The following ITGA2B variants were observed in gnomAD, a reference collection of about 807,000 sequenced individuals.
ITGA2B encodes integrin alpha-IIb.
ITGA2B carries 91 observed loss-of-function variants against 142.0 expected under a neutral mutation model. The ratio of observed to expected loss-of-function variants is 0.64; its 90% CI spans 0.54 to 0.76. The LOEUF is 0.76. ITGA2B is among the 30% of genes least tolerant of loss of function. ITGA2B has a pLI of 0.00. For synonymous variants in ITGA2B, 536 were observed against 567.2 expected, an observed-to-expected ratio of 0.94 and a Z score of 0.78; for missense variants, 1,231 against 1,350.8, an observed-to-expected ratio of 0.91 and a Z score of 1.39.
At chr17:44,380,810 T>C in intron 13 of ITGA2B, 69 bp downstream of exon 13, 1 of 1,603,136 alleles carries the variant, frequency 6.2e-7, no homozygotes. Context: ...TGGCCGTGTC[T>C]CTTGGCACTT....
At chr17:44,379,381 G>A (rs769558651) in intron 18 of ITGA2B, among the ~76,000 whole-genome samples, 2 of 151,800 alleles carry the variant, frequency 1.3e-5, no homozygotes, top group Non-Finnish European at 2.9e-5. Flanking sequence ...CTCCCGAGTA[G>A]CTGGAATTAC....
intron 1 of ITGA2B, 108 bp downstream of exon 1, chr17:44,389,178 G>A: frequency 8.0e-7 from 1 of 1,255,752 alleles, no homozygotes; most frequent in Non-Finnish European, 1.2e-6. Flanking sequence ...GGCCCCACAA[G>A]TCACCTTGCT....
intron 1 of ITGA2B, 27 bp from the exon 2 acceptor site, chr17:44,386,158 G>A: frequency 1.3e-6 from 2 of 1,568,568 alleles, no homozygotes; most frequent in Non-Finnish European, 1.7e-6. Context: ...GGTGAGCGCC[G>A]CGCAGATTCC....
rs528532012 is a variant in ITGA2B, at chr17:44,380,522, C to T, written c.1440-32G>A. ...GGATAGGGTGATGGGGTAGGCTTGC[C>T]ATTGTGGCTCCTCCTGGCCTGGCCT... On this transcript the variant is annotated intron_variant, in intron 14 of 29. Coordinates refer to ENST00000262407, the MANE Select transcript of ITGA2B (RefSeq NM_000419.5). 1.5e-4 allele frequency: 237 copies of T among 1,613,828 alleles called. 3 individuals are homozygous for T. The South Asian group carries it at 2.5e-3, about 17-fold the overall frequency.
chr17:44,379,049 C>G (rs931299260), intron 18 of ITGA2B, among the ~76,000 whole-genome samples: 7 of 151,304 alleles, frequency 4.6e-5, no homozygotes, highest in Middle Eastern at 3.6e-3. Flanking sequence ...GGGGTTCACG[C>G]CATTCTCCTG....
At position 44,389,383 on chromosome 17, in the gene ITGA2B, C is replaced by T. The variant is rs1005880342; in HGVS notation, c.91G>A (p.Ala31Thr). 1 of 1,614,184 alleles carries T rather than the reference C, an allele frequency of 6.2e-7. No individual in the cohort carries two copies. The highest frequency in any genetic ancestry group is 1.7e-5 in the Admixed American group (1 of 60,018). The change falls in exon 1 of 30, where the codon GCC becomes ACC. Residue 31 changes from alanine (A) to threonine (T), a missense_variant. By Grantham distance (58) the Ala-to-Thr change is moderately conservative (BLOSUM62 0). Transcript: ENST00000262407. ...AGCTGCACTGGGTCCAGGTTCAAGG[C>T]CCAGGCTGGAGGGGCAGCACAAGGT... ...LGPCAAPPAW[A>T]LNLDPVQLTF...
intron 1 of ITGA2B, 87 bp downstream of exon 1, chr17:44,389,199 C>A: frequency 6.9e-7 from 1 of 1,458,476 alleles, no homozygotes; most frequent in East Asian, 2.3e-5. Flanking sequence ...CAACTGCTAT[C>A]GCAAATGGGA....
intron 27 of ITGA2B, 99 bp from the exon 28 acceptor site, chr17:44,374,859 A>C: frequency 7.9e-7 from 1 of 1,263,938 alleles, no homozygotes; most frequent in Non-Finnish European, 1.1e-6. Flanking sequence ...CCTGCCTCTG[A>C]CCTAATCCCA....
intron 1 of ITGA2B, among the ~76,000 whole-genome samples, chr17:44,388,374 G>A (rs1192398744): frequency 2.4e-5 from 1 of 41,008 alleles, no homozygotes; most frequent in Non-Finnish European, 5.1e-5. Flanking sequence ...TTTTTTTTTT[G>A]AGACAGAGTT....
chr17:44,385,259 C>T, intron 5 of ITGA2B, 27 bp downstream of exon 5: 3 of 1,613,770 alleles, frequency 1.9e-6, no homozygotes, highest in Non-Finnish European at 2.5e-6. Context: ...GGGAGCCGCC[C>T]CCACTGCGCT....
In ITGA2B at chr17:44,380,430, A is replaced by G. The variant is rs1474163199; in HGVS notation, c.1500T>C (p.Ala500=). ...QLLVQDSLNP[A]VKSCVLPQTK... is the part of the protein sequence containing the mutation. ...TCTGAGGTAGGACACAGCTCTTCAC[A>G]GCAGGATTCAGTGAATCTTGCACCA... is the stretch of plus-strand genomic sequence containing the variant. The change falls in exon 15 of 30, where the codon GCT becomes GCC. Residue 500 remains alanine, a synonymous_variant. Coordinates refer to ENST00000262407, the MANE Select transcript of ITGA2B (RefSeq NM_000419.5). 1.9e-6 allele frequency: 3 copies of G among 1,614,066 alleles called. No homozygotes were observed. In the African/African-American group the frequency reaches 4.0e-5, roughly 22 times the overall value.
rs2048640612 is a variant in ITGA2B at position 44,385,605 on chromosome 17, A to G, written c.520T>C (p.Tyr174His). ...AQPESGRRAE[Y>H]SPCRGNTLSR... ...AGGGTGTTCCCGCGACAGGGGGAGT[A>G]CTCGGCGCGGCGGCCGCTCTCTGGC... The change falls in exon 4 of 30, where the codon TAC (tyrosine) becomes CAC (histidine). Residue 174 changes from tyrosine to histidine, a missense_variant. Transcript: ENST00000262407. The G allele has an allele frequency of 1.2e-6, 2 of 1,611,766 alleles. No homozygotes were observed. Among genetic ancestry groups the G allele is most frequent in the East Asian group, 4.5e-5 (2 of 44,856 alleles).
Position 44,382,791 on chromosome 17 carries a change from C to T in ITGA2B, c.1210+702G>A, listed in dbSNP as rs1415982830. On this transcript the variant is annotated intron_variant, in intron 12 of 29. Coordinates refer to ENST00000262407, the MANE Select transcript of ITGA2B (RefSeq NM_000419.5). ...TCCTGTGCATGCTCTTTAACGCATG[C>T]TCTTCCTTGAGTCCCGGGCCATCAG... Among the ~76,000 whole-genome samples the T allele has an allele frequency of 2.0e-5, 3 of 152,166 alleles. No homozygotes were observed. In the East Asian group the frequency reaches 5.8e-4, roughly 29 times the overall value.
intron 1 of ITGA2B, 34 bp downstream of exon 1, chr17:44,389,252 C>G (rs1371973645): frequency 1.9e-6 from 3 of 1,610,634 alleles, no homozygotes; most frequent in Non-Finnish European, 8.5e-7. Flanking sequence ...GGGTCCTGCT[C>G]TCTCCCAATA....
In ITGA2B at chr17:44,385,616, C is replaced by T. The variant is rs1187554731; in HGVS notation, c.509G>A (p.Arg170His). The change falls in exon 4 of 30, where the codon CGC (arginine) becomes CAC (histidine). Residue 170 changes from arginine (R) to histidine (H), a missense_variant. Arg to His is a conservative substitution (Grantham distance 29). This residue lies in a region of ITGA2B where 318 missense variants were observed against 312.2 expected (regional missense o/e 1.02). Coordinates refer to ENST00000262407, the MANE Select transcript of ITGA2B (RefSeq NM_000419.5). ...GCGACAGGGGGAGTACTCGGCGCGG[C>T]GGCCGCTCTCTGGCTGAGCCAAAAA... is the stretch of plus-strand genomic sequence containing the variant. The part of the protein sequence containing the change: ...SCFLAQPESG[R>H]RAEYSPCRGN... The T allele has an allele frequency of 1.9e-6, 3 of 1,612,204 alleles. No homozygotes were observed. Among genetic ancestry groups the T allele is most frequent in the Non-Finnish European group, 1.7e-6 (2 of 1,179,758 alleles).
In ITGA2B at chr17:44,389,569, A is replaced by G. The variant is rs529482918; in HGVS notation, c.-96T>C. The G allele has an allele frequency of 7.5e-7, 1 of 1,339,420 alleles. No individual in the cohort carries two copies. Among genetic ancestry groups the G allele is most frequent in the South Asian group, 1.2e-5 (1 of 80,550 alleles). The allele number at this position is 1,339,420 out of a possible 1,614,324, so 83.0% of individuals were successfully genotyped here. On this transcript the variant is annotated 5_prime_UTR_variant, in exon 1 of 30. Transcript: ENST00000262407. ...GGAAGTCTTTTCTTATCAAACTGGA[A>G]CCCCAAGTAACTTGCTGAGCAACGG...
intron 8 of ITGA2B, 73 bp downstream of exon 8, chr17:44,384,465 A>G: frequency 1.2e-6 from 2 of 1,607,306 alleles, no homozygotes; most frequent in South Asian, 2.2e-5. Flanking sequence ...ATTTCCCTAC[A>G]TAGGGGAGAT....
At chr17:44,376,284 C>A in intron 23 of ITGA2B, 24 bp downstream of exon 23, 1 of 1,614,092 alleles carries the variant, frequency 6.2e-7, no homozygotes, top group Non-Finnish European at 8.5e-7. Context: ...ATGCCATCTC[C>A]CTTCTCCACC....
At chr17:44,380,796 C>T (rs764363434) in intron 13 of ITGA2B, 83 bp downstream of exon 13, 1 of 1,576,288 alleles carries the variant, frequency 6.3e-7, no homozygotes. Flanking sequence ...CAGGCATGAG[C>T]CCCTGGCCGT....
Sources: gnomAD v4.1 joint callset for allele counts (sites outside exome capture counted in the v4.1 genomes callset) on GRCh38, gnomAD v4.1.1 for gene constraint, gnomAD v4.1.1 regional missense constraint, MANE v1.5 for transcripts, NCBI Gene and HGNC (gene_info 2026-07-23, HGNC 2026-07-21) for gene names.